Variants in ACOT11 observed in about 807,000 individuals in gnomAD.
ACOT11 encodes acyl-coenzyme A thioesterase 11.
In ACOT11, 69 loss-of-function variants were observed where a neutral mutation model predicts 77.5. That is an observed-to-expected ratio of 0.89 (90% CI 0.73 to 1.09). The LOEUF is 1.09. Among genes scored for constraint, ACOT11 ranks in the 50% least tolerant of loss-of-function variants. ACOT11 has a pLI of 0.00. For missense variants in ACOT11, 766 were observed against 813.7 expected, an observed-to-expected ratio of 0.94 and a Z score of 0.71; for synonymous variants, 279 against 313.0, an observed-to-expected ratio of 0.89 and a Z score of 1.15.
chr1:54,592,398 C>A, intron 3 of ACOT11, 148 bp from the exon 4 acceptor site: 1 of 687,092 alleles, frequency 1.5e-6, no homozygotes, highest in Non-Finnish European at 2.4e-6. Context: ...GCTTTGAGGA[C>A]TTGGTGGTAT....
chr1:54,619,203 C>T (rs1386314758), intron 15 of ACOT11, among the ~76,000 whole-genome samples: 1 of 151,940 alleles, frequency 6.6e-6, no homozygotes, highest in Non-Finnish European at 1.5e-5. Flanking sequence ...CTGTTCCCTT[C>T]ATCTTTTATA....
Position 54,562,270 on chromosome 1 carries a change from G to A in ACOT11, c.33+13928G>A, listed in dbSNP as rs1376855334. Among the ~76,000 whole-genome samples, 743 of 113,800 alleles carry A rather than the reference G, an allele frequency of 6.5e-3. 2 individuals carry two copies. The highest frequency in any genetic ancestry group is 7.6e-3 in the Non-Finnish European group (423 of 55,720). The allele number at this position is 113,800 out of a possible 152,430, so 74.7% of individuals were successfully genotyped here. A position where few individuals can be genotyped will look rare whatever the true frequency, so the allele number is the denominator to read the frequency against. ...GGGGCGGCTGGCCAGGCGGGGGGCT[G>A]ACCCCCCACCTCCCTCCCGGACGGG... is the stretch of plus-strand genomic sequence containing the variant. On this transcript the variant is annotated intron_variant, in intron 1 of 15. Transcript: ENST00000343744.
At chr1:54,595,243 G>A (rs966887197) in intron 6 of ACOT11, among the ~76,000 whole-genome samples, 5 of 152,018 alleles carry the variant, frequency 3.3e-5, no homozygotes, top group African/African-American at 1.2e-4. Context: ...CTACTCTGGG[G>A]GCTGAAGCAG....
chr1:54,560,975 G>A (rs1410467239), intron 1 of ACOT11, among the ~76,000 whole-genome samples: 1 of 151,768 alleles, frequency 6.6e-6, no homozygotes, highest in Non-Finnish European at 1.5e-5. Context: ...TGCCCACCTC[G>A]GCCTCCCAAA....
chr1:54,568,434 G>A (rs1310099857), intron 1 of ACOT11, among the ~76,000 whole-genome samples: 1 of 141,798 alleles, frequency 7.1e-6, no homozygotes. Context: ...GTGCGACCTC[G>A]GCTCACTGCA....
At chr1:54,569,305 C>A (rs1056367782) in intron 1 of ACOT11, among the ~76,000 whole-genome samples, 3 of 152,064 alleles carry the variant, frequency 2.0e-5, no homozygotes, top group Non-Finnish European at 2.9e-5. Context: ...CAGCTAGAAT[C>A]GGCCCCTTCC....
At chr1:54,589,338 T>TTTTTG (rs1553163551) in intron 3 of ACOT11, among the ~76,000 whole-genome samples, 3 of 146,778 alleles carry the variant, frequency 2.0e-5, no homozygotes, top group Admixed American at 6.9e-5. Flanking sequence ...TTTTTTTTTT[T>TTTTTG]AGAGAAGGAT....
At chr1:54,613,391 CTT>C (rs1218346404), downstream of ACOT11, among the ~76,000 whole-genome samples, 1 of 151,204 alleles carries the variant, frequency 6.6e-6, no homozygotes, top group South Asian at 2.1e-4. Context: ...AAAAAAAAAA[CTT>C]TTTTTCCTGT....
chr1:54,552,647 G>A (rs755380988), intron 1 of ACOT11, among the ~76,000 whole-genome samples: 7 of 151,722 alleles, frequency 4.6e-5, no homozygotes, highest in Admixed American at 3.9e-4. Flanking sequence ...GCGTGCCATC[G>A]GCTAATTTTT....
intron 1 of ACOT11, chr1:54,572,848 C>A: frequency 1.2e-6 from 1 of 806,296 alleles, no homozygotes; most frequent in Non-Finnish European, 1.5e-6. Context: ...CCACCAGAGG[C>A]AGTGTGGCGG....
At chr1:54,578,627 G>A (rs961944746) in intron 1 of ACOT11, among the ~76,000 whole-genome samples, 6 of 152,014 alleles carry the variant, frequency 3.9e-5, no homozygotes, top group Non-Finnish European at 8.8e-5. Context: ...GATTTAGGAG[G>A]AGAAAGTTTA....
At position 54,554,351 on chromosome 1, in the gene ACOT11, A is replaced by ATATTTT. The variant is rs1553161034; in HGVS notation, c.33+6010_33+6011insATTTTT. 1.7e-3 allele frequency among the ~76,000 whole-genome samples: 167 copies of ATATTTT among 97,248 alleles called. 3 individuals are homozygous for ATATTTT. Among genetic ancestry groups the ATATTTT allele is most frequent in the African/African-American group, 6.5e-3 (152 of 23,366 alleles). 63.8% of individuals were successfully genotyped at this position (97,248 alleles called of 152,430 possible). On this transcript the variant is annotated intron_variant, in intron 1 of 15. Transcript: ENST00000343744. ...TGTGTGTGTATATATATATATATATATTTTTTTTTTTTTTTTTTGAGATGG... is the reference window on the plus strand; with the variant it reads ...TGTGTGTGTATATATATATATATATATATTTTTTTTTTTTTTTTTTTTTTGAGATGG...
At chr1:54,608,150 T>TCA in intron 15 of ACOT11, 82 bp downstream of exon 15, 3 of 1,463,116 alleles carry the variant, frequency 2.1e-6, no homozygotes, top group Non-Finnish European at 2.7e-6. Context: ...ACTGCTGGGC[T>TCA]AGGATAGTCT....
At chr1:54,573,848 G>A (rs894318629) in intron 1 of ACOT11, among the ~76,000 whole-genome samples, 1 of 152,066 alleles carries the variant, frequency 6.6e-6, no homozygotes, top group African/African-American at 2.4e-5. Context: ...TGATGAACAT[G>A]GTGAAAACCC....
Position 54,607,882 on chromosome 1 carries a change from C to A in ACOT11, c.1503-60C>A. On this transcript the variant is annotated intron_variant, in intron 14 of 15. Transcript: ENST00000343744. This position sits in a 1 kb window ranked among gnomAD's most constrained non-coding sequence, Gnocchi z 4.5. Reference sequence around the variant, plus strand: ...GGGTCTCGGCCTTGGTTGGGCAGAACAGGCCCCCACTTTCTTCTGTGGCTG... The same window carrying A: ...GGGTCTCGGCCTTGGTTGGGCAGAAAAGGCCCCCACTTTCTTCTGTGGCTG... 6.2e-7 allele frequency: 1 copy of A among 1,604,824 alleles called. No homozygotes were observed. Among genetic ancestry groups the A allele is most frequent in the Non-Finnish European group, 8.5e-7 (1 of 1,174,310 alleles).
intron 16 of ACOT11, chr1:54,634,589 T>A: frequency 1.5e-6 from 1 of 679,224 alleles, no homozygotes; most frequent in Non-Finnish European, 2.7e-6. Flanking sequence ...CCATACACAA[T>A]TGAATCTAGC....
rs935105486 is a variant in ACOT11, at chr1:54,607,883, A to G, written c.1503-59A>G. On this transcript the variant is annotated intron_variant, in intron 14 of 15. Transcript: ENST00000343744. The surrounding 1 kb of genome is among the most constrained non-coding windows in gnomAD (Gnocchi z 4.5). ...GGTCTCGGCCTTGGTTGGGCAGAACAGGCCCCCACTTTCTTCTGTGGCTGA... is the reference window on the plus strand; with the variant it reads ...GGTCTCGGCCTTGGTTGGGCAGAACGGGCCCCCACTTTCTTCTGTGGCTGA... The G allele has an allele frequency of 6.2e-7, 1 of 1,605,008 alleles. No homozygotes were observed. Among genetic ancestry groups the G allele is most frequent in the Non-Finnish European group, 8.5e-7 (1 of 1,174,504 alleles).
chr1:54,631,433 A>G (rs11206398), intron 16 of ACOT11, among the ~76,000 whole-genome samples: 48,227 of 152,120 alleles, frequency 0.32, 8,052 homozygotes, highest in Middle Eastern at 0.4. Flanking sequence ...GTTTCCAGTC[A>G]GATGATTCCT....
At chr1:54,589,818 A>C (rs1287468083) in intron 3 of ACOT11, among the ~76,000 whole-genome samples, 1 of 152,082 alleles carries the variant, frequency 6.6e-6, no homozygotes. Flanking sequence ...GTCAGGATGC[A>C]AATAATTGTA....
Sources: gnomAD v4.1 joint callset for allele counts (sites outside exome capture counted in the v4.1 genomes callset) on GRCh38, gnomAD v4.1.1 for gene constraint, Gnocchi (gnomAD v3.1) non-coding constraint, MANE v1.5 for transcripts, NCBI Gene and HGNC (gene_info 2026-07-23, HGNC 2026-07-21) for gene names.